The following ZFHX3 variants were observed in gnomAD, a reference collection of about 807,000 sequenced individuals.
ZFHX3 encodes zinc finger homeobox 3, also known as zinc finger homeobox protein 3.
In ZFHX3, 42 loss-of-function variants were observed where a neutral mutation model predicts 279.1. The ratio of observed to expected loss-of-function variants is 0.15; its 90% CI spans 0.12 to 0.19. The LOEUF is 0.19. ZFHX3 is among the 10% of genes least tolerant of loss of function. The pLI, the probability that ZFHX3 is intolerant of heterozygous loss-of-function variation, is 1.00. For missense variants in ZFHX3, 4,981 were observed against 4,754.0 expected, an observed-to-expected ratio of 1.05 and a Z score of -1.40; for synonymous variants, 2,293 against 1,957.8, an observed-to-expected ratio of 1.17 and a Z score of -4.52.
chr16:73,666,106 G>A (rs1383180597), intron 2 of ZFHX3, among the ~76,000 whole-genome samples: 2 of 151,728 alleles, frequency 1.3e-5, no homozygotes, highest in Non-Finnish European at 1.5e-5. Flanking sequence ...GTGAGCCACC[G>A]CACCCAGCTG....
chr16:73,804,698 A>T (rs228024), intron 1 of ZFHX3, among the ~76,000 whole-genome samples: 74,686 of 151,742 alleles, frequency 0.49, 21,778 homozygotes, highest in African/African-American at 0.82. Context: ...CAATGCCTGG[A>T]CCCACCTGGG....
intron 1 of ZFHX3, among the ~76,000 whole-genome samples, chr16:73,744,198 C>T (rs140524795): frequency 1.3e-5 from 2 of 152,306 alleles, no homozygotes; most frequent in African/African-American, 4.8e-5. Context: ...TCTCTCGTGA[C>T]GTACAAAAGT....
intron 2 of ZFHX3, among the ~76,000 whole-genome samples, chr16:73,675,991 ACT>A (rs930286690): frequency 1.2e-4 from 18 of 152,110 alleles, no homozygotes; most frequent in African/African-American, 4.1e-4. Flanking sequence ...AAATGTGTGA[ACT>A]CAGAAAACGT....
chr16:73,015,301 C>G (rs1233395858), intron 1 of ZFHX3: 1 of 152,240 alleles, frequency 6.6e-6, no homozygotes, highest in African/African-American at 2.4e-5. Flanking sequence ...CCCACTTCAG[C>G]CTCCATAAGT....
chr16:73,092,854 T>C (rs923726383), intron 8 of ZFHX3: 5 of 505,546 alleles, frequency 9.9e-6, no homozygotes, highest in Non-Finnish European at 1.6e-5. Context: ...ACCCGGAGTT[T>C]AATAGGGACA....
At chr16:72,843,485 A>G (rs2037398561) in intron 4 of ZFHX3, among the ~76,000 whole-genome samples, 2 of 143,460 alleles carry the variant, frequency 1.4e-5, no homozygotes, top group African/African-American at 5.2e-5. Flanking sequence ...CACTCCATCC[A>G]GCCTGGGCGA....
At chr16:73,741,722 T>C (rs2053659685) in intron 1 of ZFHX3, among the ~76,000 whole-genome samples, 1 of 152,204 alleles carries the variant, frequency 6.6e-6, no homozygotes, top group Non-Finnish European at 1.5e-5. Context: ...TTTATATCCT[T>C]TTTTATTCTT....
In ZFHX3 at chr16:73,617,132, C is replaced by T. The variant is rs112649680; in HGVS notation, c.-1547+63048G>A. 6.2e-4 allele frequency among the ~76,000 whole-genome samples: 94 copies of T among 152,294 alleles called. 1 individual carries two copies. In the East Asian group the frequency reaches 0.017, roughly 27 times the overall value. Reference sequence around the variant, plus strand: ...TGCACAGAGTTCTTTCTGCTCTAAACTAAACCCCTATTTCTCCACCATCTT... The same window carrying T: ...TGCACAGAGTTCTTTCTGCTCTAAATTAAACCCCTATTTCTCCACCATCTT... On this transcript the variant is annotated intron_variant, in intron 2 of 17. Coordinates refer to the ZFHX3 transcript ENST00000641206.
chr16:73,685,574 T>A (rs2053074169), intron 1 of ZFHX3, among the ~76,000 whole-genome samples: 1 of 152,180 alleles, frequency 6.6e-6, no homozygotes, highest in African/African-American at 2.4e-5. Context: ...GCCAGAATGG[T>A]AAGATGATAG....
chr16:73,684,602 G>T (rs1337435930), intron 1 of ZFHX3, among the ~76,000 whole-genome samples: 1 of 151,994 alleles, frequency 6.6e-6, no homozygotes, highest in Non-Finnish European at 1.5e-5. Flanking sequence ...AGGATTTAAG[G>T]TTGCAGATGG....
chr16:72,924,672 G>A (rs1959346555), intron 3 of ZFHX3, among the ~76,000 whole-genome samples: 3 of 152,202 alleles, frequency 2.0e-5, no homozygotes, highest in Non-Finnish European at 2.9e-5. Flanking sequence ...TGAATGCCAA[G>A]CCTGAACTAT....
At chr16:73,521,062 A>C (rs909292555) in intron 2 of ZFHX3, among the ~76,000 whole-genome samples, 4 of 152,212 alleles carry the variant, frequency 2.6e-5, no homozygotes, top group African/African-American at 9.6e-5. Context: ...TCCAAAGAAC[A>C]AAATCAAAAC....
At chr16:73,472,681 G>C (rs561445645) in intron 2 of ZFHX3, among the ~76,000 whole-genome samples, 1 of 152,306 alleles carries the variant, frequency 6.6e-6, no homozygotes, top group East Asian at 1.9e-4. Context: ...TCTTCAGCTG[G>C]GTTTGGCCAA....
At chr16:73,021,213 G>A (rs1335405530) in intron 1 of ZFHX3, among the ~76,000 whole-genome samples, 1 of 152,214 alleles carries the variant, frequency 6.6e-6, no homozygotes, top group Non-Finnish European at 1.5e-5. Flanking sequence ...TTAGAGCAGC[G>A]AGGAAAGACA....
intron 1 of ZFHX3, among the ~76,000 whole-genome samples, chr16:73,799,637 G>T (rs566014444): frequency 1.3e-5 from 2 of 152,234 alleles, no homozygotes; most frequent in Admixed American, 6.5e-5. Flanking sequence ...TTCCTCTCAG[G>T]AAGAAAGGGA....
intron 1 of ZFHX3, among the ~76,000 whole-genome samples, chr16:73,012,490 TAC>T (rs1963949234): frequency 6.6e-6 from 1 of 152,262 alleles, no homozygotes; most frequent in East Asian, 1.9e-4. Context: ...GGATCTTAAA[TAC>T]ACAGTTTTGG....
chr16:72,976,412 T>C (rs1327380998), intron 1 of ZFHX3, among the ~76,000 whole-genome samples: 1 of 152,248 alleles, frequency 6.6e-6, no homozygotes, highest in African/African-American at 2.4e-5. Flanking sequence ...GTCATAGTTT[T>C]AAGCTCCTCT....
intron 2 of ZFHX3, among the ~76,000 whole-genome samples, chr16:72,952,952 C>T (rs750220240): frequency 1.1e-4 from 17 of 152,196 alleles, no homozygotes; most frequent in Non-Finnish European, 2.2e-4. Context: ...TTAAACTTGA[C>T]CTTTTATGTG....
chr16:73,667,816 T>C (rs993867824), intron 2 of ZFHX3, among the ~76,000 whole-genome samples: 1 of 152,222 alleles, frequency 6.6e-6, no homozygotes, highest in Non-Finnish European at 1.5e-5. Context: ...TTTGCCATTA[T>C]TGGACGGTAG....
Sources: allele counts gnomAD v4.1 joint callset (sites outside exome capture counted in the v4.1 genomes callset), GRCh38; gene constraint gnomAD v4.1.1; transcripts MANE v1.5; gene names NCBI Gene and HGNC (gene_info 2026-07-23, HGNC 2026-07-21).